Variants in CPNE8 observed in about 807,000 individuals in gnomAD.
The protein encoded by CPNE8 is copine 8, also known as copine-8.
CPNE8 carries 45 observed loss-of-function variants against 81.5 expected under a neutral mutation model. The ratio of observed to expected loss-of-function variants is 0.55; its 90% CI spans 0.44 to 0.71. CPNE8 has a LOEUF of 0.71. Ranked by LOEUF, CPNE8 falls within the 30% of genes least tolerant of loss-of-function variation. The pLI, the probability that CPNE8 is intolerant of heterozygous loss-of-function variation, is 0.00. For synonymous variants in CPNE8, 252 were observed against 226.3 expected (o/e 1.11, Z -1.02); for missense variants, 594 against 672.1 (o/e 0.88, Z 1.28).
intron 7 of CPNE8, 85 bp downstream of exon 7, chr12:38,776,153 T>A (rs1283751049): frequency 1.1e-5 from 7 of 615,248 alleles, no homozygotes; most frequent in Non-Finnish European, 1.9e-5. Context: ...CTACAATTAC[T>A]TAAAAATTAA....
At chr12:38,820,718 G>C (rs1275054424) in intron 6 of CPNE8, among the ~76,000 whole-genome samples, 2 of 152,128 alleles carry the variant, frequency 1.3e-5, no homozygotes, top group Non-Finnish European at 2.9e-5. Context: ...CCAACCCAAT[G>C]AGGTTAGGCA....
At chr12:38,839,466 A>G (rs1412361173) in intron 5 of CPNE8, among the ~76,000 whole-genome samples, 1 of 152,076 alleles carries the variant, frequency 6.6e-6, no homozygotes, top group African/African-American at 2.4e-5. Context: ...GCCCTCTGAA[A>G]CTAGCACAAT....
intron 3 of CPNE8, among the ~76,000 whole-genome samples, chr12:38,864,209 T>C (rs531999688): frequency 1.3e-5 from 2 of 152,146 alleles, no homozygotes; most frequent in South Asian, 4.1e-4. Flanking sequence ...ATGCTAAGAA[T>C]ATCCTAGAAA....
At chr12:38,807,637 A>G (rs1382880721) in intron 6 of CPNE8, among the ~76,000 whole-genome samples, 1 of 151,862 alleles carries the variant, frequency 6.6e-6, no homozygotes, top group Non-Finnish European at 1.5e-5. Flanking sequence ...TAGACCTAAA[A>G]CCATAAGAAG....
At chr12:38,777,865 C>T (rs907650395) in intron 6 of CPNE8, among the ~76,000 whole-genome samples, 6 of 152,190 alleles carry the variant, frequency 3.9e-5, no homozygotes, top group African/African-American at 9.6e-5. Flanking sequence ...AGCTCCCCAT[C>T]GCTGGCATTA....
At chr12:38,680,941 C>G (rs1201537058) in intron 16 of CPNE8, among the ~76,000 whole-genome samples, 1 of 151,406 alleles carries the variant, frequency 6.6e-6, no homozygotes, top group African/African-American at 2.4e-5. Flanking sequence ...TACAAATAGC[C>G]AAAAGATAGA....
intron 17 of CPNE8, among the ~76,000 whole-genome samples, chr12:38,676,561 A>T (rs11169086): frequency 0.63 from 95,171 of 151,336 alleles, 36,709 homozygotes; most frequent in Non-Finnish European, 0.88. Flanking sequence ...ACAGTAAATG[A>T]GTGAATACAA....
At chr12:38,798,644 C>T (rs536353733) in intron 6 of CPNE8, among the ~76,000 whole-genome samples, 141 of 151,544 alleles carry the variant, frequency 9.3e-4, no homozygotes, top group Non-Finnish European at 1.6e-3. Context: ...CATCAACTAA[C>T]GAGCAAAATA....
At chr12:38,876,364 C>A (rs1364539896) in intron 1 of CPNE8, among the ~76,000 whole-genome samples, 1 of 152,126 alleles carries the variant, frequency 6.6e-6, no homozygotes, top group Non-Finnish European at 1.5e-5. Context: ...CAGGCATGTG[C>A]CATCACGCCC....
At chr12:38,833,917 G>A (rs1285283197) in intron 5 of CPNE8, among the ~76,000 whole-genome samples, 1 of 152,162 alleles carries the variant, frequency 6.6e-6, no homozygotes, top group Non-Finnish European at 1.5e-5. Flanking sequence ...TGGGGCAGAA[G>A]CATTACAGAT....
At chr12:38,796,948 C>T (rs879833762) in intron 6 of CPNE8, among the ~76,000 whole-genome samples, 1 of 152,184 alleles carries the variant, frequency 6.6e-6, no homozygotes, top group Non-Finnish European at 1.5e-5. Context: ...TGATTGCTAG[C>T]ACAGCAGTAT....
At position 38,739,304 on chromosome 12, in the gene CPNE8, G is replaced by A. The variant is rs570590370; in HGVS notation, c.723-8946C>T. On this transcript the variant is annotated intron_variant, in intron 10 of 19. Coordinates refer to ENST00000331366, the MANE Select transcript of CPNE8 (RefSeq NM_153634.3). ...ATAAAAGACTTTTTATTAGAAGTCTGCATATGTTATATACTTTTTCAACCA... is the reference window on the plus strand; with the variant it reads ...ATAAAAGACTTTTTATTAGAAGTCTACATATGTTATATACTTTTTCAACCA... 1.2e-3 allele frequency among the ~76,000 whole-genome samples: 187 copies of A among 152,168 alleles called. 1 individual carries two copies. Among genetic ancestry groups the A allele is most frequent in the African/African-American group, 4.2e-3 (175 of 41,526 alleles).
intron 1 of CPNE8, among the ~76,000 whole-genome samples, chr12:38,899,936 C>T (rs1944435260): frequency 6.6e-6 from 1 of 151,862 alleles, no homozygotes; most frequent in African/African-American, 2.4e-5. Context: ...TTTCAACACA[C>T]AGATTTAAAA....
chr12:38,853,800 C>T (rs761110804), intron 3 of CPNE8, among the ~76,000 whole-genome samples: 6 of 151,982 alleles, frequency 3.9e-5, no homozygotes, highest in Non-Finnish European at 8.8e-5. Context: ...AATTATTAAA[C>T]TACTTCAGAG....
intron 19 of CPNE8, among the ~76,000 whole-genome samples, chr12:38,666,601 G>A (rs1201345882): frequency 6.6e-6 from 1 of 152,122 alleles, no homozygotes; most frequent in African/African-American, 2.4e-5. Context: ...CCAGGTAAAT[G>A]ACAAGTGAAA....
intron 14 of CPNE8, among the ~76,000 whole-genome samples, chr12:38,696,179 T>G (rs1293053085): frequency 6.6e-6 from 1 of 152,170 alleles, no homozygotes; most frequent in African/African-American, 2.4e-5. Flanking sequence ...AGCATCTTCC[T>G]CTACACCAGT....
chr12:38,690,152 A>G (rs887949171), intron 15 of CPNE8, among the ~76,000 whole-genome samples: 1 of 152,172 alleles, frequency 6.6e-6, no homozygotes, highest in Non-Finnish European at 1.5e-5. Flanking sequence ...GGTTAATGTT[A>G]GAGAACATAT....
chr12:38,677,798 A>G (rs981077929), intron 16 of CPNE8, among the ~76,000 whole-genome samples: 8 of 151,940 alleles, frequency 5.3e-5, no homozygotes, highest in Non-Finnish European at 2.9e-5. Flanking sequence ...TTACTAATAC[A>G]AAGTGTGCTA....
chr12:38,899,279 C>T (rs566341472), intron 1 of CPNE8, among the ~76,000 whole-genome samples: 18 of 152,194 alleles, frequency 1.2e-4, no homozygotes, highest in African/African-American at 4.3e-4. Flanking sequence ...GGTGCCTGCC[C>T]TTATGAATGG....
Sources: gnomAD v4.1 joint callset for allele counts (sites outside exome capture counted in the v4.1 genomes callset) on GRCh38, gnomAD v4.1.1 for gene constraint, MANE v1.5 for transcripts, NCBI Gene and HGNC (gene_info 2026-07-23, HGNC 2026-07-21) for gene names.